The following AKAP13 variants were observed in gnomAD, a reference collection of about 807,000 sequenced individuals.
The protein encoded by AKAP13 is A-kinase anchoring protein 13.
AKAP13 carries 80 observed loss-of-function variants against 264.5 expected under a neutral mutation model. The observed-to-expected ratio is 0.30, with a 90% CI of 0.25 to 0.36. The LOEUF (loss-of-function observed/expected upper bound fraction) is 0.36. Ranked by LOEUF, AKAP13 falls within the 10% of genes least tolerant of loss-of-function variation. The pLI is 1.00. For synonymous variants in AKAP13, 1,380 were observed against 1,250.2 expected (o/e 1.10, Z -2.19); for missense variants, 3,712 against 3,435.2 (o/e 1.08, Z -2.01).
At chr15:85,482,917 G>C (rs991865573) in intron 1 of AKAP13, among the ~76,000 whole-genome samples, 1 of 152,184 alleles carries the variant, frequency 6.6e-6, no homozygotes, top group Non-Finnish European at 1.5e-5. Flanking sequence ...TCAGCAGCCT[G>C]TGTTGCCAGC....
At chr15:85,497,100 A>G (rs2048318400) in intron 2 of AKAP13, among the ~76,000 whole-genome samples, 1 of 152,222 alleles carries the variant, frequency 6.6e-6, no homozygotes. Context: ...AAGCTATCAC[A>G]TAACAGTGAG....
At chr15:85,546,321 A>AATACACACAC (rs375341311) in intron 5 of AKAP13, among the ~76,000 whole-genome samples, 137 of 145,286 alleles carry the variant, frequency 9.4e-4, no homozygotes, top group African/African-American at 1.7e-3. Context: ...GTTGTTACCA[A>AATACACACAC]ACACACACAC....
intron 1 of AKAP13, among the ~76,000 whole-genome samples, chr15:85,394,781 G>T (rs1381884347): frequency 6.6e-6 from 1 of 152,168 alleles, no homozygotes; most frequent in Non-Finnish European, 1.5e-5. Context: ...TTTGTTCTGT[G>T]AAATGGTATT....
At chr15:85,608,542 G>A (rs577130568) in intron 8 of AKAP13, among the ~76,000 whole-genome samples, 2 of 152,342 alleles carry the variant, frequency 1.3e-5, no homozygotes, top group East Asian at 3.9e-4. Context: ...CATAGAGTCA[G>A]CAAGGCAGAG....
intron 3 of AKAP13, among the ~76,000 whole-genome samples, chr15:85,527,210 G>T (rs556096740): frequency 6.6e-6 from 1 of 152,050 alleles, no homozygotes; most frequent in African/African-American, 2.4e-5. Flanking sequence ...TGATCCGCCC[G>T]CCTTGGCCTC....
rs71468125 is a variant in AKAP13, at chr15:85,630,166, T to TATACACACACAC, written c.4162-9207_4162-9206insTACACACACACA. ...TCTCTATTCTCTGTTTTTTAACACA[T>TATACACACACAC]ACACACACACACACACACACACACA... On this transcript the variant is annotated intron_variant, in intron 8 of 36. Transcript: ENST00000394518. Among the ~76,000 whole-genome samples the TATACACACACAC allele has an allele frequency of 2.4e-4, 24 of 100,186 alleles. 1 individual carries two copies. The highest frequency in any genetic ancestry group is 2.2e-3 in the Admixed American group (19 of 8,798). 65.7% of individuals were successfully genotyped at this position (100,186 alleles called of 152,430 possible). A position where few individuals can be genotyped will look rare whatever the true frequency, so the allele number is the denominator to read the frequency against.
chr15:85,633,957 C>A (rs28461892), intron 8 of AKAP13, among the ~76,000 whole-genome samples: 15,076 of 151,946 alleles, frequency 0.099, 944 homozygotes, highest in African/African-American at 0.18. Context: ...CCTTAAAGTA[C>A]CTTTCAGAAA....
Position 85,730,600 on chromosome 15 carries a change from C to G in AKAP13, c.7175C>G (p.Pro2392Arg), listed in dbSNP as rs78778821. 4,306 of 1,614,148 alleles carry G rather than the reference C, an allele frequency of 2.7e-3. 81 individuals are homozygous for G. The African/African-American group carries it at 0.048, about 18-fold the overall frequency. The change falls in exon 30 of 37, where the codon CCT (proline) becomes CGT (arginine). Residue 2392 changes from proline to arginine, a missense_variant. Physicochemically the swap from Pro to Arg is moderately radical, Grantham distance 103 (BLOSUM62 -2). Coordinates refer to ENST00000394518, the MANE Select transcript of AKAP13 (RefSeq NM_007200.5). Reference protein sequence around the residue: ...IFRDMAECSTPLPEDCSPTHS... With the variant: ...IFRDMAECSTRLPEDCSPTHS... ...CGGGACATGGCTGAGTGCAGCACCCCTCTCCCAGAGGATTGCTCCCCAACA... is the reference window on the plus strand; with the variant it reads ...CGGGACATGGCTGAGTGCAGCACCCGTCTCCCAGAGGATTGCTCCCCAACA...
intron 1 of AKAP13, among the ~76,000 whole-genome samples, chr15:85,432,947 G>GAAA (rs201705020): frequency 1.4e-4 from 21 of 150,018 alleles, no homozygotes; most frequent in Non-Finnish European, 2.5e-4. Context: ...GGAAAATATA[G>GAAA]AAAGAAAAAA....
chr15:85,728,810 A>G (rs2087772481), intron 29 of AKAP13, among the ~76,000 whole-genome samples: 1 of 152,114 alleles, frequency 6.6e-6, no homozygotes, highest in East Asian at 1.9e-4. Flanking sequence ...GAAATGCACC[A>G]GGTATTAAAA....
intron 10 of AKAP13, among the ~76,000 whole-genome samples, chr15:85,653,517 C>T (rs963015536): frequency 1.3e-5 from 2 of 152,084 alleles, no homozygotes; most frequent in African/African-American, 2.4e-5. Context: ...TGAGATCAAG[C>T]CCAAAAGGTA....
At position 85,533,779 on chromosome 15, in the gene AKAP13, C is replaced by G; in HGVS notation, c.377C>G (p.Ser126Cys). Residue 126 changes from serine to cysteine, a missense_variant, in exon 4 of 37, where the codon TCT becomes TGT. Ser to Cys is a moderately radical substitution (Grantham distance 112). This residue lies in a region of AKAP13 where 2,759 missense variants were observed against 2,411.7 expected (regional missense o/e 1.14). Coordinates refer to ENST00000394518, the MANE Select transcript of AKAP13 (RefSeq NM_007200.5). ...TTTCTTGACCAGTCAGGACCCCCAT[C>G]TGGGGATGTGAATTCCCTTGATAAG... ...TRFLDQSGPPSGDVNSLDKKL... is the reference protein window; with the variant it reads ...TRFLDQSGPPCGDVNSLDKKL... The G allele has an allele frequency of 1.9e-6, 3 of 1,613,900 alleles. No homozygotes were observed. Among genetic ancestry groups the G allele is most frequent in the Non-Finnish European group, 2.5e-6 (3 of 1,179,928 alleles).
chr15:85,625,204 C>T (rs951874070), intron 8 of AKAP13, among the ~76,000 whole-genome samples: 8 of 152,204 alleles, frequency 5.3e-5, no homozygotes, highest in African/African-American at 1.9e-4. Flanking sequence ...ATTCACTTTC[C>T]TACCCATTTA....
chr15:85,587,038 A>G (rs1021398244), intron 8 of AKAP13, among the ~76,000 whole-genome samples: 2 of 152,208 alleles, frequency 1.3e-5, no homozygotes, highest in African/African-American at 4.8e-5. Flanking sequence ...CCAATCAAAT[A>G]AAGTGCATAG....
At chr15:85,572,370 A>T (rs1190729972) in intron 5 of AKAP13, among the ~76,000 whole-genome samples, 1 of 152,208 alleles carries the variant, frequency 6.6e-6, no homozygotes, top group Non-Finnish European at 1.5e-5. Context: ...AGCTACATTG[A>T]TAGAGAAGTT....
chr15:85,398,850 T>C (rs985058165), intron 1 of AKAP13, among the ~76,000 whole-genome samples: 1 of 152,242 alleles, frequency 6.6e-6, no homozygotes, highest in Admixed American at 6.5e-5. Flanking sequence ...GACATAGTTA[T>C]TTTAATGGCT....
rs956811772 is a variant in AKAP13, at chr15:85,415,577, G to A, written c.-12+34779G>A. 5.6e-6 allele frequency: 8 copies of A among 1,420,474 alleles called. No homozygotes were observed. In the African/African-American group the frequency reaches 1.1e-4, roughly 20 times the overall value. The allele number at this position is 1,420,474 out of a possible 1,614,324, so 88.0% of individuals were successfully genotyped here. On this transcript the variant is annotated intron_variant, in intron 1 of 36. Coordinates refer to ENST00000394518, the MANE Select transcript of AKAP13 (RefSeq NM_007200.5). ...GAAAATTGAAAGATGGGAAATTAGT[G>A]GTGGACTGTGTCATGAACAGTGTCA... is the stretch of plus-strand genomic sequence containing the variant.
chr15:85,499,014 A>C (rs2075967231), intron 2 of AKAP13, among the ~76,000 whole-genome samples: 1 of 152,240 alleles, frequency 6.6e-6, no homozygotes, highest in African/African-American at 2.4e-5. Context: ...GTATGGGTAC[A>C]TTTACATTTT....
At chr15:85,714,317 A>G (rs2086794100) in intron 19 of AKAP13, among the ~76,000 whole-genome samples, 1 of 152,238 alleles carries the variant, frequency 6.6e-6, no homozygotes, top group Admixed American at 6.5e-5. Context: ...GGAAGAAAAG[A>G]AGGGTTGGTC....
Sources: gnomAD v4.1 joint callset for allele counts (sites outside exome capture counted in the v4.1 genomes callset) on GRCh38, gnomAD v4.1.1 for gene constraint, gnomAD v4.1.1 regional missense constraint, MANE v1.5 for transcripts, NCBI Gene and HGNC (gene_info 2026-07-23, HGNC 2026-07-21) for gene names.